The following CTNNA3 variants were observed in gnomAD, a reference collection of about 807,000 sequenced individuals.
CTNNA3 encodes the protein catenin alpha-3.
Under a neutral mutation model 95.7 loss-of-function variants are expected in CTNNA3, and 76 were observed. The observed-to-expected ratio is 0.79, with a 90% confidence interval of 0.66 to 0.96. CTNNA3 has a LOEUF of 0.96. CTNNA3 is among the 40% of genes least tolerant of loss of function. CTNNA3 has a pLI of 0.00. For missense variants in CTNNA3, 1,191 were observed against 1,089.8 expected (o/e 1.09, Z -1.31); for synonymous variants, 431 against 374.4 (o/e 1.15, Z -1.74).
At chr10:67,230,185 C>T (rs915011882) in intron 5 of CTNNA3, among the ~76,000 whole-genome samples, 1 of 152,080 alleles carries the variant, frequency 6.6e-6, no homozygotes, top group Non-Finnish European at 1.5e-5. Flanking sequence ...AAAGCCAACT[C>T]ATCTTTCACA....
intron 10 of CTNNA3, among the ~76,000 whole-genome samples, chr10:66,553,648 C>T (rs1842298071): frequency 6.7e-6 from 1 of 150,180 alleles, no homozygotes; most frequent in Non-Finnish European, 1.5e-5. Flanking sequence ...CTGCTTCAGC[C>T]TCCCGAGTAC....
chr10:66,955,911 A>T (rs1316496866), intron 7 of CTNNA3, among the ~76,000 whole-genome samples: 1 of 152,138 alleles, frequency 6.6e-6, no homozygotes, highest in Non-Finnish European at 1.5e-5. Context: ...TGACGCTACA[A>T]CATGGCATTT....
intron 15 of CTNNA3, among the ~76,000 whole-genome samples, chr10:66,029,289 C>G (rs7081109): frequency 0.055 from 8,316 of 152,056 alleles, 276 homozygotes; most frequent in East Asian, 0.17. Context: ...GAAATGCTCC[C>G]CTGAAATAGA....
intron 5 of CTNNA3, among the ~76,000 whole-genome samples, chr10:67,453,961 T>C (rs538243346): frequency 6.6e-6 from 1 of 152,306 alleles, no homozygotes; most frequent in South Asian, 2.1e-4. Flanking sequence ...GTTATTTTTA[T>C]TCACTTTATT....
chr10:66,360,818 TTTCTTTC>T (rs771067599), intron 12 of CTNNA3, among the ~76,000 whole-genome samples: 6,117 of 70,820 alleles, frequency 0.086, 725 homozygotes, highest in Middle Eastern at 0.12. Flanking sequence ...CCTTCCTTCC[TTTCTTTC>T]TTTCTTTCTT....
At chr10:66,856,564 T>C (rs1198096715) in intron 7 of CTNNA3, among the ~76,000 whole-genome samples, 1 of 151,960 alleles carries the variant, frequency 6.6e-6, no homozygotes, top group Admixed American at 6.6e-5. Context: ...GCCTCACCAG[T>C]AACTGTTATT....
chr10:67,140,658 G>C (rs895416200), intron 7 of CTNNA3, among the ~76,000 whole-genome samples: 2 of 152,052 alleles, frequency 1.3e-5, no homozygotes, highest in Admixed American at 1.3e-4. Flanking sequence ...ACTTCAATAT[G>C]GCCCAATAAC....
chr10:67,481,982 C>T (rs1848250831), intron 5 of CTNNA3, among the ~76,000 whole-genome samples: 1 of 151,932 alleles, frequency 6.6e-6, no homozygotes, highest in African/African-American at 2.4e-5. Flanking sequence ...GCCAGTTTTC[C>T]CAGCACCATT....
chr10:67,729,131 T>G (rs1309485429), intron 1 of CTNNA3, among the ~76,000 whole-genome samples: 1 of 152,250 alleles, frequency 6.6e-6, no homozygotes, highest in East Asian at 1.9e-4. Context: ...AAAAATACTT[T>G]AAAATGTTTA....
rs1564561249 is a variant in CTNNA3 at position 65,988,708 on chromosome 10, CG to C, written c.2248del (p.Arg750GlyfsTer30). On this transcript the variant is annotated frameshift_variant, in exon 16 of 18. Transcript: ENST00000433211. LOFTEE classifies it high-confidence loss of function. ...ESGSRMDVLA[R>X]QIANQCPDPS... ...GTAACTCACCTGATTAGCAATCTGC[CG>C]AGCAAGGACATCCATCCTTGATCCT... 6.2e-7 allele frequency: 1 copy of C among 1,612,974 alleles called. No homozygotes were observed. Among genetic ancestry groups the C allele is most frequent in the East Asian group, 2.2e-5 (1 of 44,826 alleles).
intron 5 of CTNNA3, among the ~76,000 whole-genome samples, chr10:67,246,946 C>A (rs1865930600): frequency 6.6e-6 from 1 of 152,112 alleles, no homozygotes. Flanking sequence ...TACTTTCATT[C>A]TCATTTTTAT....
chr10:66,386,048 C>T (rs1055720466), intron 11 of CTNNA3, among the ~76,000 whole-genome samples: 2 of 152,160 alleles, frequency 1.3e-5, no homozygotes, highest in African/African-American at 2.4e-5. Flanking sequence ...ACAAGGACGC[C>T]CTCACTCACC....
Position 67,022,940 on chromosome 10 carries a change from A to AAAAT in CTNNA3, c.1047+157373_1047+157376dup, listed in dbSNP as rs578243915. Among the ~76,000 whole-genome samples, 370 of 152,246 alleles carry AAAAT rather than the reference A, an allele frequency of 2.4e-3. 3 individuals carry two copies. The highest frequency in any genetic ancestry group is 3.3e-3 in the Non-Finnish European group (223 of 68,026). ...GCAAGAGAGTAAGACTGTGTCTCAA[A>AAAAT]AAATAAATAAATAAATAAATAAACT... On this transcript the variant is annotated intron_variant, in intron 7 of 17. Transcript: ENST00000433211.
chr10:66,861,930 G>A (rs2132413790), intron 7 of CTNNA3, among the ~76,000 whole-genome samples: 1 of 152,246 alleles, frequency 6.6e-6, no homozygotes, highest in Middle Eastern at 3.4e-3. Flanking sequence ...GTTTGGTGAT[G>A]TTAGCCAGCC....
intron 10 of CTNNA3, among the ~76,000 whole-genome samples, chr10:66,585,368 G>A (rs1236488544): frequency 6.6e-6 from 1 of 151,856 alleles, no homozygotes; most frequent in East Asian, 1.9e-4. Flanking sequence ...TATTTCTTGA[G>A]ACTTTCCTTC....
At chr10:65,934,672 T>C (rs2077307942) in intron 17 of CTNNA3, among the ~76,000 whole-genome samples, 1 of 152,098 alleles carries the variant, frequency 6.6e-6, no homozygotes, top group Non-Finnish European at 1.5e-5. Flanking sequence ...TGAGATATTG[T>C]TTAACAATTC....
At chr10:66,973,390 TAAC>T (rs1364458689) in intron 7 of CTNNA3, among the ~76,000 whole-genome samples, 2 of 152,188 alleles carry the variant, frequency 1.3e-5, no homozygotes, top group Non-Finnish European at 2.9e-5. Flanking sequence ...TAATTTGTAT[TAAC>T]AAATGACAAG....
At chr10:66,544,681 A>G (rs898628745) in intron 10 of CTNNA3, among the ~76,000 whole-genome samples, 6 of 152,084 alleles carry the variant, frequency 3.9e-5, no homozygotes, top group African/African-American at 1.2e-4. Context: ...TCAGCACTCA[A>G]TTTATATCTA....
intron 6 of CTNNA3, among the ~76,000 whole-genome samples, chr10:67,183,350 T>A (rs553563818): frequency 6.6e-6 from 1 of 152,318 alleles, no homozygotes; most frequent in South Asian, 2.1e-4. Context: ...CATGGAATAC[T>A]ATGCAGCCAT....
Sources: allele counts gnomAD v4.1 joint callset (sites outside exome capture counted in the v4.1 genomes callset), GRCh38; gene constraint gnomAD v4.1.1; transcripts MANE v1.5; gene names NCBI Gene and HGNC (gene_info 2026-07-23, HGNC 2026-07-21).